NUDT3: variants seen among roughly 807,000 people sequenced by gnomAD.
NUDT3 encodes the protein diphosphoinositol polyphosphate phosphohydrolase 1.
In NUDT3, 9 loss-of-function variants were observed where a neutral mutation model predicts 23.6. That is an observed-to-expected ratio of 0.38 (90% confidence interval 0.23 to 0.66). The LOEUF (loss-of-function observed/expected upper bound fraction) is 0.66. Ranked by LOEUF, NUDT3 falls within the 30% of genes least tolerant of loss-of-function variation. NUDT3 has a pLI of 0.52. For synonymous variants in NUDT3, 86 were observed against 82.6 expected (o/e 1.04, Z -0.22); for missense variants, 172 against 218.5 (o/e 0.79, Z 1.34).
chr6:34,308,671 C>T (rs952331033), intron 2 of NUDT3, among the ~76,000 whole-genome samples: 27 of 152,058 alleles, frequency 1.8e-4, no homozygotes, highest in African/African-American at 5.6e-4. Flanking sequence ...AAAAAGCAGA[C>T]TTCAGAGCTT....
chr6:34,360,622 G>A (rs1764635589), intron 1 of NUDT3, among the ~76,000 whole-genome samples: 2 of 152,100 alleles, frequency 1.3e-5, no homozygotes, highest in Admixed American at 6.6e-5. Flanking sequence ...AACTTTTGAA[G>A]GAAAGCAGAA....
intron 1 of NUDT3, among the ~76,000 whole-genome samples, chr6:34,388,602 T>C (rs1019436365): frequency 6.6e-6 from 1 of 152,084 alleles, no homozygotes; most frequent in Non-Finnish European, 1.5e-5. Context: ...AATCTGAGAG[T>C]TGAAAAGCAC....
chr6:34,337,428 T>C (rs527813944), intron 2 of NUDT3, among the ~76,000 whole-genome samples: 1 of 152,328 alleles, frequency 6.6e-6, no homozygotes, highest in South Asian at 2.1e-4. Flanking sequence ...ATACTAAACA[T>C]GAGGAGTGTA....
In NUDT3 at chr6:34,299,327, A is replaced by G. The variant is rs554121214; in HGVS notation, c.211-3642T>C. ...TATATGTCAAAAGCCACTAATCTAG[A>G]GAGGGAGTCTTTATTTAAAAGTCCA... On this transcript the variant is annotated intron_variant, in intron 2 of 4. Coordinates refer to ENST00000607016, the MANE Select transcript of NUDT3 (RefSeq NM_006703.4). 4.6e-5 allele frequency among the ~76,000 whole-genome samples: 7 copies of G among 152,364 alleles called. No individual in the cohort carries two copies. In the South Asian group the frequency reaches 1.4e-3, roughly 32 times the overall value.
intron 2 of NUDT3, among the ~76,000 whole-genome samples, chr6:34,299,907 A>T (rs1561899751): frequency 2.7e-5 from 4 of 150,876 alleles, no homozygotes; most frequent in African/African-American, 7.3e-5. Context: ...TCTCAAAAAA[A>T]AAAAAAATAT....
intron 1 of NUDT3, among the ~76,000 whole-genome samples, chr6:34,347,826 T>G (rs1764400939): frequency 6.6e-6 from 1 of 151,630 alleles, no homozygotes; most frequent in Non-Finnish European, 1.5e-5. Context: ...GATACCACAG[T>G]GATAATGAAA....
At chr6:34,339,262 T>C (rs1764254740) in intron 2 of NUDT3, among the ~76,000 whole-genome samples, 1 of 152,240 alleles carries the variant, frequency 6.6e-6, no homozygotes, top group South Asian at 2.1e-4. Flanking sequence ...CTTAGTTGCA[T>C]TCCTTACCTG....
At chr6:34,318,108 T>G (rs1001049772) in intron 2 of NUDT3, among the ~76,000 whole-genome samples, 2 of 152,176 alleles carry the variant, frequency 1.3e-5, no homozygotes, top group South Asian at 2.1e-4. Context: ...TTCATTTCCT[T>G]GTACCCAAGG....
intron 2 of NUDT3, among the ~76,000 whole-genome samples, chr6:34,334,509 CA>C (rs1440344107): frequency 1.3e-5 from 2 of 151,970 alleles, no homozygotes; most frequent in East Asian, 3.9e-4. Context: ...CATGGTAGTG[CA>C]CACCTATAAT....
chr6:34,296,290 T>C (rs1354120033), intron 2 of NUDT3, among the ~76,000 whole-genome samples: 2 of 148,480 alleles, frequency 1.3e-5, no homozygotes, highest in African/African-American at 2.5e-5. Context: ...AATTAATTAA[T>C]TGGTTGGGTA....
rs535542804 is a variant in NUDT3, at chr6:34,341,711, C to T, written c.210+151G>A. ...ATTACCATGTCACAACTCCATCACCCGGTAATAAAGGAGGGACCGGATAAC... is the reference window on the plus strand; with the variant it reads ...ATTACCATGTCACAACTCCATCACCTGGTAATAAAGGAGGGACCGGATAAC... On this transcript the variant is annotated intron_variant, in intron 2 of 4. Transcript: ENST00000607016. 1.4e-4 allele frequency: 80 copies of T among 578,108 alleles called. No homozygotes were observed. In the African/African-American group the frequency reaches 1.4e-3, roughly 10 times the overall value. The allele number at this position is 578,108 out of a possible 1,614,324, so 35.8% of individuals were successfully genotyped here.
At chr6:34,361,741 C>T (rs1764653294) in intron 1 of NUDT3, among the ~76,000 whole-genome samples, 1 of 152,128 alleles carries the variant, frequency 6.6e-6, no homozygotes, top group South Asian at 2.1e-4. Context: ...ATGCATATTA[C>T]TAAATCAAAG....
chr6:34,322,104 T>C (rs1006000643), intron 2 of NUDT3, among the ~76,000 whole-genome samples: 1 of 152,164 alleles, frequency 6.6e-6, no homozygotes, highest in African/African-American at 2.4e-5. Context: ...GAAAGTTCTA[T>C]TGGATGGCAC....
chr6:34,333,811 A>G (rs903915582), intron 2 of NUDT3, among the ~76,000 whole-genome samples: 9 of 152,256 alleles, frequency 5.9e-5, no homozygotes, highest in African/African-American at 2.2e-4. Context: ...AATAGCCAGA[A>G]GCTGATGATG....
chr6:34,336,506 A>C (rs1460231699), intron 2 of NUDT3, among the ~76,000 whole-genome samples: 2 of 152,016 alleles, frequency 1.3e-5, no homozygotes, highest in Non-Finnish European at 2.9e-5. Flanking sequence ...ATTTTCTCCC[A>C]TTCTGTAGAC....
At chr6:34,351,198 T>TAAAGAAAAAA (rs1764462821) in intron 1 of NUDT3, among the ~76,000 whole-genome samples, 1 of 17,894 alleles carries the variant, frequency 5.6e-5, no homozygotes, top group Non-Finnish European at 1.1e-4. Context: ...CTCCCCTGCC[T>TAAAGAAAAAA]AAAAAAAAAA....
chr6:34,344,818 A>AT (rs57668800), intron 1 of NUDT3, among the ~76,000 whole-genome samples: 13,275 of 150,976 alleles, frequency 0.088, 1,302 homozygotes, highest in East Asian at 0.43. Flanking sequence ...CGCCCAGTTA[A>AT]TTTTTTGTGT....
chr6:34,345,930 G>A (rs180848403), intron 1 of NUDT3, among the ~76,000 whole-genome samples: 5 of 151,954 alleles, frequency 3.3e-5, no homozygotes, highest in South Asian at 2.1e-4. Context: ...CACCACGCCC[G>A]GCCGATTTTT....
At chr6:34,294,605 A>C (rs996414892) in intron 3 of NUDT3, among the ~76,000 whole-genome samples, 1 of 151,970 alleles carries the variant, frequency 6.6e-6, no homozygotes, top group African/African-American at 2.4e-5. Context: ...GGGCACTTGT[A>C]ATCTCAGCTA....
Sources: allele counts gnomAD v4.1 joint callset (sites outside exome capture counted in the v4.1 genomes callset), GRCh38; gene constraint gnomAD v4.1.1; transcripts MANE v1.5; gene names NCBI Gene and HGNC (gene_info 2026-07-23, HGNC 2026-07-21).